EPB41L5: variants seen among roughly 807,000 people sequenced by gnomAD.
The protein encoded by EPB41L5 is erythrocyte membrane protein band 4.1 like 5.
A neutral mutation model predicts 106.6 loss-of-function variants in EPB41L5; 55 were observed. The observed-to-expected ratio is 0.52, with a 90% confidence interval of 0.42 to 0.65. EPB41L5 has a LOEUF of 0.65. EPB41L5 is among the 30% of genes least tolerant of loss of function. The pLI, the probability that EPB41L5 is intolerant of heterozygous loss-of-function variation, is 0.00. For missense variants in EPB41L5, 871 were observed against 882.1 expected (o/e 0.99, Z 0.16); for synonymous variants, 297 against 306.7 (o/e 0.97, Z 0.33).
rs184730196 is a variant in EPB41L5 at position 120,115,084 on chromosome 2, C to T, written c.1338-12604C>T. Among the ~76,000 whole-genome samples, 275 of 152,212 alleles carry T rather than the reference C, an allele frequency of 1.8e-3. 1 individual carries two copies. The highest frequency in any genetic ancestry group is 6.1e-3 in the African/African-American group (252 of 41,538). ...TTGATGTTAGTATAGCCACTTCATCCCTTTTTTCGTTAGTGTTTGGATGGT... is the reference window on the plus strand; with the variant it reads ...TTGATGTTAGTATAGCCACTTCATCTCTTTTTTCGTTAGTGTTTGGATGGT... On this transcript the variant is annotated intron_variant, in intron 16 of 24. Coordinates refer to ENST00000263713, the MANE Select transcript of EPB41L5 (RefSeq NM_020909.4).
At chr2:120,145,334 TA>T (rs1686349566) in intron 19 of EPB41L5, among the ~76,000 whole-genome samples, 1 of 152,230 alleles carries the variant, frequency 6.6e-6, no homozygotes, top group African/African-American at 2.4e-5. Context: ...GTGATGTATC[TA>T]TACAATGAAA....
intron 1 of EPB41L5, among the ~76,000 whole-genome samples, chr2:120,017,265 C>G (rs2166438): frequency 0.69 from 104,771 of 152,104 alleles, 37,615 homozygotes; most frequent in Non-Finnish European, 0.79. Context: ...TGTTACGCAT[C>G]ATGAGGAATT....
intron 14 of EPB41L5, among the ~76,000 whole-genome samples, chr2:120,094,718 A>G (rs1291142761): frequency 6.6e-6 from 1 of 151,894 alleles, no homozygotes; most frequent in Non-Finnish European, 1.5e-5. Flanking sequence ...CCTTTCAAGC[A>G]CTGCTTTAAT....
intron 3 of EPB41L5, among the ~76,000 whole-genome samples, chr2:120,068,556 C>T (rs1394249538): frequency 6.6e-6 from 1 of 152,184 alleles, no homozygotes; most frequent in African/African-American, 2.4e-5. Flanking sequence ...CTTGAGTAGG[C>T]GGTTTTCCCC....
chr2:120,161,151 G>A lies in EPB41L5; in HGVS notation c.1887+177G>A, dbSNP rs188235511. On this transcript the variant is annotated intron_variant, in intron 21 of 24. Transcript: ENST00000263713. ...CCAGCACTTTGGGAGGCCGAGGCAT[G>A]TGGACCACTTGAGCTCAGGAGTTCA... 1.3e-3 allele frequency among the ~76,000 whole-genome samples: 191 copies of A among 152,084 alleles called. 1 individual carries two copies. In the East Asian group the frequency reaches 0.026, roughly 21 times the overall value.
intron 2 of EPB41L5, among the ~76,000 whole-genome samples, chr2:120,036,338 T>A (rs1679036943): frequency 6.6e-6 from 1 of 152,200 alleles, no homozygotes; most frequent in Admixed American, 6.5e-5. Context: ...AGTGATTAAC[T>A]GTGATTTTCT....
At chr2:120,144,175 T>C (rs1686300582) in intron 19 of EPB41L5, among the ~76,000 whole-genome samples, 1 of 152,158 alleles carries the variant, frequency 6.6e-6, no homozygotes, top group African/African-American at 2.4e-5. Flanking sequence ...TATTAACAGA[T>C]GGGGCCTTTG....
intron 2 of EPB41L5, among the ~76,000 whole-genome samples, chr2:120,030,978 G>A (rs1477223871): frequency 6.6e-6 from 1 of 152,174 alleles, no homozygotes; most frequent in Non-Finnish European, 1.5e-5. Flanking sequence ...CCGGGTTCAA[G>A]TGATTCTCCT....
At chr2:120,089,750 A>G (rs549411498) in intron 11 of EPB41L5, among the ~76,000 whole-genome samples, 30 of 152,194 alleles carry the variant, frequency 2.0e-4, no homozygotes, top group South Asian at 1.7e-3. Flanking sequence ...AGTATAACTT[A>G]GTTGTTAGAG....
In EPB41L5 at chr2:120,137,561, A is replaced by G. The variant is rs923699068; in HGVS notation, c.1600-5442A>G. On this transcript the variant is annotated intron_variant, in intron 18 of 24. Transcript: ENST00000263713. ...TGCAAAAATCAAAGGATCATTAAGG[A>G]TTAGTATGAGCAACTATATGCCAAT... Among the ~76,000 whole-genome samples the G allele has an allele frequency of 2.4e-4, 36 of 152,190 alleles. 1 individual carries two copies. Among genetic ancestry groups the G allele is most frequent in the Admixed American group, 6.5e-5 (1 of 15,268 alleles).
In EPB41L5 at chr2:120,167,629, G is replaced by A; in HGVS notation, c.2004+122G>A. On this transcript the variant is annotated intron_variant, in intron 23 of 24. Coordinates refer to ENST00000263713, the MANE Select transcript of EPB41L5 (RefSeq NM_020909.4). ...GGTTGTTATCAAAGCCTTGTTAACT[G>A]AACTTAACTTAATGGCTTCAAGCTA... 3 of 1,130,690 alleles carry A rather than the reference G, an allele frequency of 2.7e-6. No individual in the cohort carries two copies. In the East Asian group the frequency reaches 7.2e-5, roughly 27 times the overall value. The allele number at this position is 1,130,690 out of a possible 1,614,324, so 70.0% of individuals were successfully genotyped here. A position where few individuals can be genotyped will look rare whatever the true frequency, so the allele number is the denominator to read the frequency against.
intron 14 of EPB41L5, among the ~76,000 whole-genome samples, chr2:120,097,430 G>A (rs1363296164): frequency 6.6e-6 from 1 of 152,152 alleles, no homozygotes; most frequent in Non-Finnish European, 1.5e-5. Flanking sequence ...AAATCTTCTC[G>A]ACCTTGTATT....
intron 22 of EPB41L5, among the ~76,000 whole-genome samples, chr2:120,166,307 C>CAAAG (rs1056056275): frequency 2.6e-5 from 4 of 152,132 alleles, no homozygotes; most frequent in East Asian, 3.8e-4. Context: ...GATTAATAAA[C>CAAAG]AAAGACTTTA....
intron 2 of EPB41L5, among the ~76,000 whole-genome samples, chr2:120,024,427 A>G (rs1678166523): frequency 1.3e-5 from 2 of 152,064 alleles, no homozygotes; most frequent in Admixed American, 6.6e-5. Flanking sequence ...TTCTGCATCT[A>G]TTGAGATAAT....
chr2:120,146,064 A>G (rs1185379100), intron 19 of EPB41L5, among the ~76,000 whole-genome samples, 161 bp from the exon 20 acceptor site: 2 of 152,228 alleles, frequency 1.3e-5, no homozygotes, highest in African/African-American at 2.4e-5. Flanking sequence ...GTAAGATTGT[A>G]CTAGGTACAC....
intron 2 of EPB41L5, among the ~76,000 whole-genome samples, chr2:120,037,575 G>A (rs904896743): frequency 6.6e-6 from 1 of 152,086 alleles, no homozygotes; most frequent in Non-Finnish European, 1.5e-5. Flanking sequence ...CCAGTGCTTT[G>A]GGTGGCTAAG....
intron 3 of EPB41L5, among the ~76,000 whole-genome samples, chr2:120,063,440 AGT>A (rs935577989): frequency 2.0e-5 from 3 of 152,098 alleles, no homozygotes; most frequent in Non-Finnish European, 2.9e-5. Context: ...CCCTTTTTAA[AGT>A]GTGTTTCCAA....
intron 11 of EPB41L5, among the ~76,000 whole-genome samples, 154 bp from the exon 12 acceptor site, chr2:120,090,193 A>T (rs1275147068): frequency 6.6e-6 from 1 of 151,562 alleles, no homozygotes; most frequent in African/African-American, 2.4e-5. Context: ...ACTTGATTTC[A>T]GCTCTGCCCT....
At chr2:120,061,279 G>C (rs1681050369) in intron 3 of EPB41L5, among the ~76,000 whole-genome samples, 1 of 146,202 alleles carries the variant, frequency 6.8e-6, no homozygotes, top group Non-Finnish European at 1.5e-5. Context: ...CTGGAGTGCA[G>C]TGGCGGGATC....
Sources: allele counts gnomAD v4.1 joint callset (sites outside exome capture counted in the v4.1 genomes callset), GRCh38; gene constraint gnomAD v4.1.1; transcripts MANE v1.5; gene names NCBI Gene and HGNC (gene_info 2026-07-23, HGNC 2026-07-21).